HS3ST4: variants seen among roughly 807,000 people sequenced by gnomAD.
HS3ST4 encodes the protein heparan sulfate glucosamine 3-O-sulfotransferase 4.
A neutral mutation model predicts 29.2 loss-of-function variants in HS3ST4; 17 were observed. That is an observed-to-expected ratio of 0.58 (90% CI 0.40 to 0.87). The LOEUF (loss-of-function observed/expected upper bound fraction) is 0.87. Among genes scored for constraint, HS3ST4 ranks in the 40% least tolerant of loss-of-function variants. The probability of loss-of-function intolerance (pLI) is 0.00; values close to 1 mark genes in which losing one functional copy is unlikely to be tolerated. For synonymous variants in HS3ST4, 314 were observed against 285.7 expected, an observed-to-expected ratio of 1.10 and a Z score of -1.00; for missense variants, 627 against 634.5, an observed-to-expected ratio of 0.99 and a Z score of 0.13.
At chr16:25,729,798 T>G (rs1022453820) in intron 1 of HS3ST4, among the ~76,000 whole-genome samples, 2 of 152,188 alleles carry the variant, frequency 1.3e-5, no homozygotes, top group Non-Finnish European at 2.9e-5. Flanking sequence ...GATTTTTGCT[T>G]GAAGTGGTTT....
At chr16:25,851,306 G>A (rs981512127) in intron 1 of HS3ST4, among the ~76,000 whole-genome samples, 1 of 152,082 alleles carries the variant, frequency 6.6e-6, no homozygotes, top group African/African-American at 2.4e-5. Context: ...CAGGGAGGAC[G>A]GCATGTTGCA....
intron 1 of HS3ST4, among the ~76,000 whole-genome samples, chr16:25,789,369 C>T (rs570793515): frequency 1.3e-5 from 2 of 150,670 alleles, no homozygotes; most frequent in South Asian, 4.2e-4. Context: ...TTCCCTCTCT[C>T]TCTTTCTCTT....
At chr16:25,783,386 T>G (rs1966854403) in intron 1 of HS3ST4, among the ~76,000 whole-genome samples, 1 of 152,212 alleles carries the variant, frequency 6.6e-6, no homozygotes, top group African/African-American at 2.4e-5. Flanking sequence ...GCCCTCTGTT[T>G]TAACAGCCGC....
chr16:25,868,488 G>A (rs1416511483), intron 1 of HS3ST4, among the ~76,000 whole-genome samples: 1 of 152,056 alleles, frequency 6.6e-6, no homozygotes, highest in African/African-American at 2.4e-5. Context: ...CAGAGCAACA[G>A]CCTGCTAGAT....
intron 1 of HS3ST4, among the ~76,000 whole-genome samples, chr16:25,699,620 G>A (rs1442494590): frequency 6.6e-6 from 1 of 152,166 alleles, no homozygotes; most frequent in African/African-American, 2.4e-5. Context: ...CTGTTTCTTA[G>A]GTGATGAAGG....
At position 25,845,141 on chromosome 16, in the gene HS3ST4, C is replaced by T. The variant is rs191970165; in HGVS notation, c.734+151990C>T. Among the ~76,000 whole-genome samples the T allele has an allele frequency of 3.2e-4, 48 of 152,198 alleles. 1 individual carries two copies. The highest frequency in any genetic ancestry group is 1.0e-3 in the African/African-American group (43 of 41,544). On this transcript the variant is annotated intron_variant, in intron 1 of 1. Coordinates refer to ENST00000331351, the MANE Select transcript of HS3ST4 (RefSeq NM_006040.3). ...ATGGGTTGATAGGTGCAGCAAACCA[C>T]CATGGCACACCTTTGTTACCTATGT...
chr16:25,775,219 G>T lies in HS3ST4; in HGVS notation c.734+82068G>T, dbSNP rs146905861. Among the ~76,000 whole-genome samples, 283 of 152,268 alleles carry T rather than the reference G, an allele frequency of 1.9e-3. 2 individuals carry two copies. Among genetic ancestry groups the T allele is most frequent in the African/African-American group, 6.5e-3 (271 of 41,552 alleles). ...TTTGCTAAGGGCCTCTGGCTTACAG[G>T]ACATCAATACTGAGGATTCTAGAGA... On this transcript the variant is annotated intron_variant, in intron 1 of 1. Coordinates refer to ENST00000331351, the MANE Select transcript of HS3ST4 (RefSeq NM_006040.3).
At chr16:25,729,901 G>C (rs186194487) in intron 1 of HS3ST4, among the ~76,000 whole-genome samples, 1 of 152,286 alleles carries the variant, frequency 6.6e-6, no homozygotes, top group African/African-American at 2.4e-5. Flanking sequence ...CATTAAATGA[G>C]AGCTGTCCAA....
chr16:26,132,831 G>A (rs545128594), intron 1 of HS3ST4, among the ~76,000 whole-genome samples: 186 of 152,218 alleles, frequency 1.2e-3, no homozygotes, highest in African/African-American at 2.3e-3. Flanking sequence ...GGAAAAGGCC[G>A]TATAAAAATA....
intron 1 of HS3ST4, among the ~76,000 whole-genome samples, chr16:26,026,093 C>G (rs9938450): frequency 0.2 from 29,789 of 151,204 alleles, 5,811 homozygotes; most frequent in African/African-American, 0.5. Flanking sequence ...ATTTTTAGTA[C>G]AGACAGGGTT....
chr16:25,856,551 G>T (rs377205941), intron 1 of HS3ST4, among the ~76,000 whole-genome samples: 1 of 152,128 alleles, frequency 6.6e-6, no homozygotes, highest in African/African-American at 2.4e-5. Flanking sequence ...TTACACCAGC[G>T]GTGTCCAATC....
At chr16:25,868,990 G>A (rs571790033) in intron 1 of HS3ST4, among the ~76,000 whole-genome samples, 4 of 152,116 alleles carry the variant, frequency 2.6e-5, no homozygotes, top group Admixed American at 6.6e-5. Flanking sequence ...TGTGTGTACC[G>A]TGTGTGTGCC....
intron 1 of HS3ST4, among the ~76,000 whole-genome samples, chr16:25,997,791 A>AT (rs1473520404): frequency 6.6e-6 from 1 of 152,140 alleles, no homozygotes; most frequent in Non-Finnish European, 1.5e-5. Flanking sequence ...TGATTTTGAG[A>AT]CCCAAGATGG....
chr16:26,043,860 A>T (rs1898234540), intron 1 of HS3ST4, among the ~76,000 whole-genome samples: 1 of 152,028 alleles, frequency 6.6e-6, no homozygotes, highest in South Asian at 2.1e-4. Context: ...GTAACTTTCA[A>T]ATTCTGCCTC....
intron 1 of HS3ST4, among the ~76,000 whole-genome samples, chr16:26,073,114 T>C (rs1445248557): frequency 6.6e-6 from 1 of 152,184 alleles, no homozygotes; most frequent in Non-Finnish European, 1.5e-5. Flanking sequence ...TATTTTTCAG[T>C]TTCTTTAATC....
At chr16:25,880,705 A>G (rs976237757) in intron 1 of HS3ST4, among the ~76,000 whole-genome samples, 1 of 152,238 alleles carries the variant, frequency 6.6e-6, no homozygotes, top group Non-Finnish European at 1.5e-5. Context: ...GTAATTGCTA[A>G]ATAACTCATG....
In HS3ST4 at chr16:25,845,259, A is replaced by T. The variant is rs542626396; in HGVS notation, c.734+152108A>T. On this transcript the variant is annotated intron_variant, in intron 1 of 1. Transcript: ENST00000331351. ...CACGGGGATTCATGCCTGTAATCTC[A>T]GCACTTTGGGAGGCTGAGTCTGGCA... Among the ~76,000 whole-genome samples the T allele has an allele frequency of 3.9e-5, 6 of 152,332 alleles. No homozygotes were observed. The East Asian group carries it at 9.6e-4, about 24-fold the overall frequency.
chr16:25,814,812 C>T (rs1048082909), intron 1 of HS3ST4, among the ~76,000 whole-genome samples: 2 of 152,204 alleles, frequency 1.3e-5, no homozygotes, highest in Admixed American at 6.5e-5. Context: ...TAAATGAATG[C>T]ATTTGCAATG....
intron 1 of HS3ST4, among the ~76,000 whole-genome samples, chr16:26,052,953 T>C (rs1005475101): frequency 1.3e-5 from 2 of 152,258 alleles, no homozygotes; most frequent in Admixed American, 1.3e-4. Flanking sequence ...ACTGTTCATC[T>C]TGCATAACAT....
Sources: gnomAD v4.1 joint callset for allele counts (sites outside exome capture counted in the v4.1 genomes callset) on GRCh38, gnomAD v4.1.1 for gene constraint, MANE v1.5 for transcripts, NCBI Gene and HGNC (gene_info 2026-07-23, HGNC 2026-07-21) for gene names.